SAMD3: variants seen among roughly 807,000 people sequenced by gnomAD.
The protein encoded by SAMD3 is sterile alpha motif domain-containing protein 3.
Under a neutral mutation model 58.5 loss-of-function variants are expected in SAMD3, and 63 were observed. The ratio of observed to expected loss-of-function variants is 1.08; its 90% confidence interval spans 0.88 to 1.33. SAMD3 has a LOEUF of 1.33. Ranked by LOEUF, SAMD3 falls within the 40% of genes most tolerant of loss-of-function variation. The pLI is 0.00. For missense variants in SAMD3, 604 were observed against 608.4 expected, an observed-to-expected ratio of 0.99 and a Z score of 0.08; for synonymous variants, 220 against 210.3, an observed-to-expected ratio of 1.05 and a Z score of -0.40.
At chr6:130,225,767 T>G (rs959128221), upstream of SAMD3, among the ~76,000 whole-genome samples, 7 of 152,238 alleles carry the variant, frequency 4.6e-5, no homozygotes, top group African/African-American at 1.7e-4. Context: ...AAGCTTAAGA[T>G]ATGAGAAAAT....
chr6:130,355,478 C>T (rs1037159806), intron 1 of SAMD3, among the ~76,000 whole-genome samples: 8 of 152,074 alleles, frequency 5.3e-5, no homozygotes, highest in African/African-American at 1.9e-4. Context: ...GTGTCACCTC[C>T]GTTTTTAAAC....
Position 130,300,469 on chromosome 6 carries a change from T to C in SAMD3, c.-188+12509A>G, listed in dbSNP as rs1775709023. Among the ~76,000 whole-genome samples the C allele has an allele frequency of 2.0e-5, 3 of 152,222 alleles. No individual in the cohort carries two copies. The South Asian group carries it at 6.2e-4, about 32-fold the overall frequency. ...TAACAAACTAGGCACTGAAGGAACA[T>C]ATCTCAAAATAATAAGAGCCATTTA... is the stretch of plus-strand genomic sequence containing the variant. On this transcript the variant is annotated intron_variant, in intron 2 of 13. Coordinates refer to the SAMD3 transcript ENST00000368134.
intron 9 of SAMD3, among the ~76,000 whole-genome samples, chr6:130,150,414 T>C (rs1789048417): frequency 6.6e-6 from 1 of 152,182 alleles, no homozygotes; most frequent in African/African-American, 2.4e-5. Context: ...GAAATGGGAA[T>C]GGCGCCGCTC....
chr6:130,353,427 G>A (rs1047496718), intron 1 of SAMD3, among the ~76,000 whole-genome samples: 1 of 151,968 alleles, frequency 6.6e-6, no homozygotes, highest in Non-Finnish European at 1.5e-5. Context: ...ATTAATTTTT[G>A]TATTTTATAT....
intron 2 of SAMD3, among the ~76,000 whole-genome samples, chr6:130,230,057 T>C (rs1241883249): frequency 2.0e-5 from 3 of 152,252 alleles, no homozygotes; most frequent in Non-Finnish European, 2.9e-5. Context: ...TTATATCTTA[T>C]GTAATACAAT....
chr6:130,188,850 C>A (rs1793248037), intron 5 of SAMD3, among the ~76,000 whole-genome samples: 1 of 151,984 alleles, frequency 6.6e-6, no homozygotes, highest in South Asian at 2.1e-4. Context: ...TGATTTATAC[C>A]TCCTTTACTT....
At chr6:130,278,109 T>A (rs1774848157) in intron 2 of SAMD3, among the ~76,000 whole-genome samples, 3 of 152,200 alleles carry the variant, frequency 2.0e-5, no homozygotes, top group African/African-American at 7.2e-5. Flanking sequence ...TTGAGATAGT[T>A]TGCAGACCCT....
At chr6:130,159,016 C>G (rs567627475) in intron 8 of SAMD3, among the ~76,000 whole-genome samples, 1 of 152,252 alleles carries the variant, frequency 6.6e-6, no homozygotes, top group East Asian at 1.9e-4. Flanking sequence ...GAAGACTAGG[C>G]CTGCTACCAG....
At chr6:130,206,035 A>C (rs1795053011) in intron 5 of SAMD3, among the ~76,000 whole-genome samples, 1 of 152,216 alleles carries the variant, frequency 6.6e-6, no homozygotes, top group South Asian at 2.1e-4. Flanking sequence ...CTGAGATAGG[A>C]CATTGGAGGG....
chr6:130,194,026 G>A (rs1287617399), intron 5 of SAMD3, among the ~76,000 whole-genome samples: 10 of 151,812 alleles, frequency 6.6e-5, no homozygotes, highest in South Asian at 4.2e-4. Flanking sequence ...TCGCCAGGTC[G>A]AGCTAGGTCC....
At chr6:130,270,172 A>T (rs534396041) in intron 2 of SAMD3, among the ~76,000 whole-genome samples, 98 of 152,178 alleles carry the variant, frequency 6.4e-4, no homozygotes, top group African/African-American at 2.3e-3. Flanking sequence ...GCTCACTGAA[A>T]TTTCTGCCTC....
chr6:130,152,362 G>A lies in SAMD3; in HGVS notation c.1023+2463C>T, dbSNP rs1042608593. Reference sequence around the variant, plus strand: ...CAGGGAGGTACTTCCTGGAAAAACCGAAAATGATTCGTTCTTTTGTCTAAA... The same window carrying A: ...CAGGGAGGTACTTCCTGGAAAAACCAAAAATGATTCGTTCTTTTGTCTAAA... On this transcript the variant is annotated intron_variant, in intron 9 of 11. Transcript: ENST00000439090. Among the ~76,000 whole-genome samples the A allele has an allele frequency of 7.2e-5, 11 of 152,180 alleles. No homozygotes were observed. In the East Asian group the frequency reaches 7.7e-4, roughly 11 times the overall value.
At chr6:130,356,028 C>A in intron 1 of SAMD3, among the ~76,000 whole-genome samples, 1 of 152,048 alleles carries the variant, frequency 6.6e-6, no homozygotes. Flanking sequence ...TTTTCAATTG[C>A]CATCAGTTTG....
chr6:130,286,648 A>G (rs1446578588), intron 2 of SAMD3, among the ~76,000 whole-genome samples: 1 of 151,444 alleles, frequency 6.6e-6, no homozygotes, highest in Non-Finnish European at 1.5e-5. Flanking sequence ...ATGCTTCTGT[A>G]TTTTCTTTAA....
intron 5 of SAMD3, among the ~76,000 whole-genome samples, chr6:130,190,315 C>CAA (rs66979213): frequency 0.023 from 3,353 of 147,846 alleles, 114 homozygotes; most frequent in African/African-American, 0.073. Flanking sequence ...ATGTAACGTA[C>CAA]AAAAAAAAAA....
rs764801133 is a variant in SAMD3 at position 130,313,344 on chromosome 6, A to G, written c.-303-251T>C. Reference sequence around the variant, plus strand: ...TTAGCAGCATCCCTGGTGTCTATCCACTAGATGGCTACCCCCAACAGCCCC... The same window carrying G: ...TTAGCAGCATCCCTGGTGTCTATCCGCTAGATGGCTACCCCCAACAGCCCC... On this transcript the variant is annotated intron_variant, in intron 1 of 13. Coordinates refer to the SAMD3 transcript ENST00000368134. Among the ~76,000 whole-genome samples, 16 of 152,294 alleles carry G rather than the reference A, an allele frequency of 1.1e-4. 1 individual carries two copies. Among genetic ancestry groups the G allele is most frequent in the Non-Finnish European group, 2.4e-4 (16 of 68,020 alleles).
At chr6:130,204,465 T>G (rs7743317) in intron 5 of SAMD3, among the ~76,000 whole-genome samples, 139,457 of 151,932 alleles carry the variant, frequency 0.92, 64,173 homozygotes, top group East Asian at 1. Flanking sequence ...AAATTAGCAG[T>G]GTGTGGCAGT....
chr6:130,339,551 G>T (rs1777208618), intron 1 of SAMD3, among the ~76,000 whole-genome samples: 1 of 152,138 alleles, frequency 6.6e-6, no homozygotes, highest in African/African-American at 2.4e-5. Context: ...AGATGTGCCT[G>T]CTTCCCCTTC....
At chr6:130,214,881 AC>A (rs1489840583) in intron 3 of SAMD3, among the ~76,000 whole-genome samples, 7 of 152,204 alleles carry the variant, frequency 4.6e-5, no homozygotes, top group African/African-American at 1.7e-4. Flanking sequence ...TAAACCCAAC[AC>A]TACACAAAAT....
Sources: gnomAD v4.1 joint callset for allele counts (sites outside exome capture counted in the v4.1 genomes callset) on GRCh38, gnomAD v4.1.1 for gene constraint, MANE v1.5 for transcripts, NCBI Gene and HGNC (gene_info 2026-07-23, HGNC 2026-07-21) for gene names.